Variants in CUBN observed in about 807,000 individuals in gnomAD.
CUBN encodes cubilin.
Under a neutral mutation model 405.3 loss-of-function variants are expected in CUBN, and 282 were observed. The observed-to-expected ratio is 0.70, with a 90% CI of 0.63 to 0.77. The LOEUF is 0.77. Among genes scored for constraint, CUBN ranks in the 30% least tolerant of loss-of-function variants. CUBN has a pLI of 0.00. For synonymous variants in CUBN, 1,684 were observed against 1,617.0 expected (o/e 1.04, Z -0.99); for missense variants, 4,514 against 4,475.2 (o/e 1.01, Z -0.25).
At chr10:16,851,210 T>C (rs772429167) in intron 60 of CUBN, 25 bp downstream of exon 60, 4 of 1,570,276 alleles carry the variant, frequency 2.5e-6, no homozygotes, top group African/African-American at 1.4e-5. Context: ...GAATAGACTC[T>C]GTTAAAAAAA....
chr10:16,849,908 A>G (rs1366780013), intron 60 of CUBN, among the ~76,000 whole-genome samples: 1 of 152,170 alleles, frequency 6.6e-6, no homozygotes. Flanking sequence ...CACAGAGTCT[A>G]AAGTCATTAG....
In CUBN at chr10:16,827,900, A is replaced by C. The variant is rs561703039; in HGVS notation, c.10764+905T>G. On this transcript the variant is annotated intron_variant, in intron 66 of 66. Coordinates refer to ENST00000377833, the MANE Select transcript of CUBN (RefSeq NM_001081.4). The stretch of plus-strand genomic sequence containing the variant: ...GCAGGTGTGAGCCCTTACTCTCTTT[A>C]AGTATCTACTTGCACATCAAATGAG... Among the ~76,000 whole-genome samples, 34 of 152,224 alleles carry C rather than the reference A, an allele frequency of 2.2e-4. No individual in the cohort carries two copies. In the East Asian group the frequency reaches 6.2e-3, roughly 28 times the overall value.
intron 54 of CUBN, among the ~76,000 whole-genome samples, chr10:16,894,958 C>A (rs1841136852): frequency 6.6e-6 from 1 of 152,156 alleles, no homozygotes; most frequent in Non-Finnish European, 1.5e-5. Flanking sequence ...CCATCTGATC[C>A]TTACCAGGCA....
intron 17 of CUBN, among the ~76,000 whole-genome samples, chr10:17,083,701 C>T (rs551556023): frequency 6.6e-6 from 1 of 152,132 alleles, no homozygotes; most frequent in South Asian, 2.1e-4. Flanking sequence ...CACAAACAAA[C>T]AAAATTGTAA....
In CUBN at chr10:16,913,617, G is replaced by T. The variant is rs2271459; in HGVS notation, c.7533+194C>A. On this transcript the variant is annotated intron_variant, in intron 48 of 66. Transcript: ENST00000377833. ...CTGATGCACAGAGTGATAGCTGATAGTCTCTTCAAACAACTTTTACAATTA... is the reference window on the plus strand; with the variant it reads ...CTGATGCACAGAGTGATAGCTGATATTCTCTTCAAACAACTTTTACAATTA... 0.13 allele frequency among the ~76,000 whole-genome samples: 19,056 copies of T among 152,164 alleles called. 1,943 individuals are homozygous for T. Among genetic ancestry groups the T allele is most frequent in the East Asian group, 0.34 (1,764 of 5,184 alleles).
intron 36 of CUBN, among the ~76,000 whole-genome samples, chr10:16,941,873 G>T (rs556580514): frequency 1.3e-4 from 20 of 152,084 alleles, no homozygotes; most frequent in African/African-American, 4.8e-4. Context: ...AAATGAAAAG[G>T]CAAGTTACAG....
intron 30 of CUBN, among the ~76,000 whole-genome samples, chr10:16,983,215 C>A (rs1833326446): frequency 6.6e-6 from 1 of 152,108 alleles, no homozygotes; most frequent in Non-Finnish European, 1.5e-5. Context: ...AACTTTGGCA[C>A]TATTTTCTAA....
intron 27 of CUBN, among the ~76,000 whole-genome samples, chr10:17,038,316 A>G (rs1048985047): frequency 6.6e-6 from 1 of 152,230 alleles, no homozygotes; most frequent in Non-Finnish European, 1.5e-5. Context: ...TCAAGTTGTA[A>G]AATACAGCCA....
At chr10:16,958,844 T>A (rs894290378) in intron 31 of CUBN, among the ~76,000 whole-genome samples, 3 of 152,206 alleles carry the variant, frequency 2.0e-5, no homozygotes, top group Non-Finnish European at 4.4e-5. Context: ...TACCATAGAA[T>A]ACCTGAGGCC....
At chr10:17,113,121 C>T (rs189683201) in intron 8 of CUBN, among the ~76,000 whole-genome samples, 14 of 152,002 alleles carry the variant, frequency 9.2e-5, no homozygotes, top group Admixed American at 2.6e-4. Flanking sequence ...AAAAATTAGC[C>T]GGGTGTGGTG....
chr10:16,842,396 T>A (rs1348885358), intron 60 of CUBN, among the ~76,000 whole-genome samples: 6 of 152,118 alleles, frequency 3.9e-5, no homozygotes, highest in Admixed American at 3.9e-4. Context: ...AAATATCTAA[T>A]AAATAAATAA....
At chr10:16,841,523 C>T (rs1220881083) in intron 60 of CUBN, among the ~76,000 whole-genome samples, 1 of 151,894 alleles carries the variant, frequency 6.6e-6, no homozygotes, top group African/African-American at 2.4e-5. Flanking sequence ...GCTTCCCATC[C>T]ACTCAATCAA....
chr10:16,917,987 T>C (rs1367420768), intron 45 of CUBN, among the ~76,000 whole-genome samples: 1 of 152,188 alleles, frequency 6.6e-6, no homozygotes, highest in Non-Finnish European at 1.5e-5. Flanking sequence ...AAGGAAGGGG[T>C]ACAGTTTCAA....
At chr10:16,884,740 A>G (rs115015903) in intron 56 of CUBN, among the ~76,000 whole-genome samples, 2,466 of 152,234 alleles carry the variant, frequency 0.016, 62 homozygotes, top group African/African-American at 0.056. Flanking sequence ...GCAGGTGTCA[A>G]TGTTTAGTAG....
chr10:17,107,465 A>G (rs1836660571), intron 10 of CUBN, among the ~76,000 whole-genome samples: 1 of 152,012 alleles, frequency 6.6e-6, no homozygotes, highest in Non-Finnish European at 1.5e-5. Flanking sequence ...ACAGATTTAC[A>G]GTAGAATTGA....
rs760235673 is a variant in CUBN, at chr10:16,920,027, C to T, written c.6757G>A (p.Ala2253Thr). The change falls in exon 44 of 67, where the codon GCT becomes ACT. Residue 2253 changes from alanine to threonine, a missense_variant. Coordinates refer to ENST00000377833, the MANE Select transcript of CUBN (RefSeq NM_001081.4). Reference protein sequence around the residue: ...PHADCIWILAAPPETRIQLQF... With the variant: ...PHADCIWILATPPETRIQLQF... ...AGCTGTATGCGTGTTTCCGGTGGAG[C>T]CGCTAAGATCCAAATGCAATCAGCG... 3 of 1,613,702 alleles carry T rather than the reference C, an allele frequency of 1.9e-6. No individual in the cohort carries two copies. The highest frequency in any genetic ancestry group is 4.5e-5 in the East Asian group (2 of 44,874).
At chr10:16,882,677 T>G (rs1299743716) in intron 56 of CUBN, among the ~76,000 whole-genome samples, 1 of 152,218 alleles carries the variant, frequency 6.6e-6, no homozygotes, top group African/African-American at 2.4e-5. Context: ...GTTTGGGATA[T>G]TTCCATGTTG....
chr10:16,984,313 A>G (rs1833360167), intron 29 of CUBN, 34 bp from the exon 30 acceptor site: 1 of 1,605,462 alleles, frequency 6.2e-7, no homozygotes, highest in African/African-American at 1.3e-5. Context: ...GACTTTAAAA[A>G]ATATTTTAAG....
intron 17 of CUBN, 62 bp from the exon 18 acceptor site, chr10:17,072,033 G>A: frequency 7.5e-7 from 1 of 1,331,498 alleles, no homozygotes; most frequent in Non-Finnish European, 1.1e-6. Flanking sequence ...GGCAATGGTG[G>A]CGTTACTTGG....
Sources: allele counts gnomAD v4.1 joint callset (sites outside exome capture counted in the v4.1 genomes callset), GRCh38; gene constraint gnomAD v4.1.1; transcripts MANE v1.5; gene names NCBI Gene and HGNC (gene_info 2026-07-23, HGNC 2026-07-21).